MAGI2: variants seen among roughly 807,000 people sequenced by gnomAD.
The protein encoded by MAGI2 is membrane-associated guanylate kinase, WW and PDZ domain-containing protein 2.
MAGI2 carries 35 observed loss-of-function variants against 133.3 expected under a neutral mutation model. The observed-to-expected ratio is 0.26, with a 90% confidence interval of 0.20 to 0.35. The LOEUF (loss-of-function observed/expected upper bound fraction) is 0.35, where lower values mean the gene tolerates loss of function less well. Ranked by LOEUF, MAGI2 falls within the 10% of genes least tolerant of loss-of-function variation. MAGI2 has a pLI of 1.00. For synonymous variants in MAGI2, 729 were observed against 710.6 expected (o/e 1.03, Z -0.41); for missense variants, 1,636 against 1,863.4 (o/e 0.88, Z 2.25).
chr7:78,775,320 T>TAAAAAAAAAAAAAAAAAAAAAAAAAAAA (rs3086258), intron 2 of MAGI2, among the ~76,000 whole-genome samples: 1 of 57,358 alleles, frequency 1.7e-5, no homozygotes, highest in Non-Finnish European at 3.1e-5. Flanking sequence ...CGTCTCAAAT[T>TAAAAAAAAAAAAAAAAAAAAAAAAAAAA]AAAAAAAAAA....
intron 2 of MAGI2, among the ~76,000 whole-genome samples, chr7:78,909,032 C>A (rs1798186567): frequency 6.6e-6 from 1 of 150,826 alleles, no homozygotes; most frequent in East Asian, 1.9e-4. Context: ...AGGCAACCTA[C>A]AGAATGGGAG....
At chr7:79,395,999 G>A (rs938352043) in intron 1 of MAGI2, among the ~76,000 whole-genome samples, 2 of 152,070 alleles carry the variant, frequency 1.3e-5, no homozygotes, top group Non-Finnish European at 2.9e-5. Context: ...AATTATATGT[G>A]TGTCACTTTC....
chr7:79,110,040 G>A (rs1053073383), intron 1 of MAGI2, among the ~76,000 whole-genome samples: 1 of 152,138 alleles, frequency 6.6e-6, no homozygotes, highest in African/African-American at 2.4e-5. Context: ...AGCTTAGGCC[G>A]CTGCTTCAGA....
At chr7:79,300,632 A>G (rs1217226135) in intron 1 of MAGI2, among the ~76,000 whole-genome samples, 4 of 152,206 alleles carry the variant, frequency 2.6e-5, no homozygotes, top group Admixed American at 1.3e-4. Flanking sequence ...CATGTATCAG[A>G]AAAAGTAAAA....
intron 2 of MAGI2, among the ~76,000 whole-genome samples, chr7:78,908,776 T>C (rs148789318): frequency 6.2e-4 from 94 of 152,298 alleles, no homozygotes; most frequent in African/African-American, 2.2e-3. Flanking sequence ...ATTGAAAACA[T>C]ATTATGTATT....
At chr7:79,182,568 C>T (rs1429939337) in intron 1 of MAGI2, among the ~76,000 whole-genome samples, 2 of 151,838 alleles carry the variant, frequency 1.3e-5, no homozygotes, top group African/African-American at 2.4e-5. Flanking sequence ...GAAAATTGGA[C>T]TCTTATACAC....
chr7:78,424,901 G>A (rs1027308511), intron 6 of MAGI2, among the ~76,000 whole-genome samples: 5 of 152,144 alleles, frequency 3.3e-5, no homozygotes, highest in Non-Finnish European at 7.4e-5. Flanking sequence ...AGACAGAAGG[G>A]ACTTGTCTTG....
intron 1 of MAGI2, among the ~76,000 whole-genome samples, chr7:79,417,028 G>A (rs528287976): frequency 1.2e-4 from 18 of 151,850 alleles, no homozygotes; most frequent in Admixed American, 2.0e-4. Flanking sequence ...CACCATGCCC[G>A]GCCTGTTCTT....
At chr7:78,219,567 C>A (rs1052362254) in intron 10 of MAGI2, among the ~76,000 whole-genome samples, 3 of 152,124 alleles carry the variant, frequency 2.0e-5, no homozygotes, top group African/African-American at 7.2e-5. Context: ...GTCCTTCCCC[C>A]CCACCGATGT....
intron 20 of MAGI2, among the ~76,000 whole-genome samples, chr7:78,117,779 A>C (rs994949083): frequency 6.6e-5 from 10 of 152,194 alleles, no homozygotes; most frequent in African/African-American, 9.6e-5. Flanking sequence ...GGTACAGATA[A>C]ATTATTTGAA....
intron 2 of MAGI2, among the ~76,000 whole-genome samples, chr7:78,859,894 G>T (rs976831763): frequency 2.0e-5 from 3 of 152,030 alleles, no homozygotes; most frequent in Non-Finnish European, 4.4e-5. Flanking sequence ...CTTAGATTTG[G>T]TCTTTTCACC....
intron 2 of MAGI2, among the ~76,000 whole-genome samples, chr7:78,885,628 A>AGTGTGTGTGTGTGT (rs61111430): frequency 0.03 from 4,501 of 148,902 alleles, 96 homozygotes; most frequent in Non-Finnish European, 0.036. Context: ...TGAAAGGAAT[A>AGTGTGTGTGTGTGT]GTGTGTGTGT....
At chr7:78,939,107 C>G (rs1406854331) in intron 2 of MAGI2, among the ~76,000 whole-genome samples, 1 of 152,146 alleles carries the variant, frequency 6.6e-6, no homozygotes, top group African/African-American at 2.4e-5. Flanking sequence ...AATTCTCCTG[C>G]CTTGGCCTCC....
chr7:79,125,345 G>A (rs1201543722), intron 1 of MAGI2: 6 of 472,640 alleles, frequency 1.3e-5, no homozygotes, highest in East Asian at 1.0e-4. Flanking sequence ...TTTGGTGGTG[G>A]TTGTCAAAGT....
intron 1 of MAGI2, among the ~76,000 whole-genome samples, chr7:79,258,875 C>T (rs542368543): frequency 6.6e-6 from 1 of 152,328 alleles, no homozygotes; most frequent in East Asian, 1.9e-4. Flanking sequence ...ATTCATCACA[C>T]AATGAACAAA....
intron 1 of MAGI2, among the ~76,000 whole-genome samples, chr7:79,087,939 A>T (rs1285495028): frequency 6.6e-6 from 1 of 152,102 alleles, no homozygotes; most frequent in African/African-American, 2.4e-5. Context: ...TGATGCCTCC[A>T]GCTTTGTTCT....
chr7:78,418,690 T>C (rs1228044292), intron 6 of MAGI2, among the ~76,000 whole-genome samples: 1 of 152,110 alleles, frequency 6.6e-6, no homozygotes, highest in African/African-American at 2.4e-5. Flanking sequence ...AATCTCCTTC[T>C]TTAGGGAAGC....
chr7:78,742,875 G>A (rs777898666), intron 2 of MAGI2, among the ~76,000 whole-genome samples: 1 of 152,114 alleles, frequency 6.6e-6, no homozygotes, highest in Non-Finnish European at 1.5e-5. Context: ...AGTCTGATTG[G>A]GCTTCCCCAC....
intron 2 of MAGI2, among the ~76,000 whole-genome samples, chr7:78,937,092 T>C (rs933506860): frequency 2.0e-5 from 3 of 151,598 alleles, no homozygotes; most frequent in Non-Finnish European, 2.9e-5. Context: ...AAATACTAGA[T>C]GAACCTAGAA....
Sources: allele counts gnomAD v4.1 joint callset (sites outside exome capture counted in the v4.1 genomes callset), GRCh38; gene constraint gnomAD v4.1.1; transcripts MANE v1.5; gene names NCBI Gene and HGNC (gene_info 2026-07-23, HGNC 2026-07-21).